Variants in EYA2 observed in about 807,000 individuals in gnomAD.
The protein encoded by EYA2 is protein phosphatase EYA2.
A neutral mutation model predicts 69.2 loss-of-function variants in EYA2; 31 were observed. That is an observed-to-expected ratio of 0.45 (90% CI 0.34 to 0.60). EYA2 has a LOEUF of 0.60. EYA2 is among the 20% of genes least tolerant of loss of function. The pLI is 0.02. For synonymous variants in EYA2, 257 were observed against 279.4 expected (o/e 0.92, Z 0.80); for missense variants, 622 against 701.2 (o/e 0.89, Z 1.28).
chr20:47,066,503 CT>C (rs1442324310), intron 5 of EYA2, among the ~76,000 whole-genome samples: 2 of 152,182 alleles, frequency 1.3e-5, no homozygotes, highest in African/African-American at 4.8e-5. Flanking sequence ...AAAGTCCTAA[CT>C]AATGTGGCCA....
intron 9 of EYA2, among the ~76,000 whole-genome samples, chr20:47,117,157 C>T (rs1412345559): frequency 1.3e-5 from 2 of 152,144 alleles, no homozygotes; most frequent in Non-Finnish European, 2.9e-5. Context: ...GGACCACAGG[C>T]GCACGCCACC....
At chr20:46,925,629 CCCA>C (rs1391823751) in intron 1 of EYA2, among the ~76,000 whole-genome samples, 2 of 152,164 alleles carry the variant, frequency 1.3e-5, no homozygotes, top group African/African-American at 2.4e-5. Context: ...TTAAAATCCA[CCCA>C]TAAAATCGAG....
intron 9 of EYA2, among the ~76,000 whole-genome samples, chr20:47,122,995 C>G (rs1001838972): frequency 2.6e-5 from 4 of 152,176 alleles, no homozygotes; most frequent in African/African-American, 9.7e-5. Flanking sequence ...AGACAAGTCA[C>G]TTTGCCTTCC....
intron 11 of EYA2, among the ~76,000 whole-genome samples, chr20:47,171,413 G>GT (rs1215833847): frequency 2.0e-5 from 3 of 151,242 alleles, no homozygotes; most frequent in East Asian, 1.9e-4. Context: ...GTTTTGTTTT[G>GT]TTTTTTTCAG....
intron 10 of EYA2, among the ~76,000 whole-genome samples, 192 bp from the exon 11 acceptor site, chr20:47,168,947 G>T (rs1454101983): frequency 6.6e-6 from 1 of 152,118 alleles, no homozygotes; most frequent in Admixed American, 6.6e-5. Flanking sequence ...AAACCAAACA[G>T]ACAAAGAGGA....
In EYA2 at chr20:46,987,916, G is replaced by GACTCTCTCTCTCTCTCTCTCTCTC. The variant is rs56288405; in HGVS notation, c.-10-2085_-10-2084insACTCTCTCTCTCTCTCTCTCTCTC. Among the ~76,000 whole-genome samples the GACTCTCTCTCTCTCTCTCTCTCTC allele has an allele frequency of 1.8e-3, 37 of 20,374 alleles. 9 individuals carry two copies. Among genetic ancestry groups the GACTCTCTCTCTCTCTCTCTCTCTC allele is most frequent in the South Asian group, 2.7e-3 (1 of 366 alleles). 13.4% of individuals were successfully genotyped at this position (20,374 alleles called of 152,430 possible). On this transcript the variant is annotated intron_variant, in intron 1 of 15. Coordinates refer to ENST00000327619, the MANE Select transcript of EYA2 (RefSeq NM_005244.5). ...TACTCCAGCCTGGAAGACAGAGTAA[G>GACTCTCTCTCTCTCTCTCTCTCTC]TCTCTCTCTCTCTCTCTCTCTCTCT...
intron 5 of EYA2, among the ~76,000 whole-genome samples, chr20:47,070,633 T>G (rs769075238): frequency 1.3e-5 from 2 of 152,238 alleles, no homozygotes; most frequent in Non-Finnish European, 2.9e-5. Context: ...ATATTGGATG[T>G]TGTACATCTA....
intron 1 of EYA2, among the ~76,000 whole-genome samples, chr20:46,938,906 C>T (rs752933310): frequency 1.2e-4 from 18 of 152,258 alleles, no homozygotes; most frequent in East Asian, 5.8e-4. Flanking sequence ...ACAAAACAAC[C>T]GTACTATGAC....
chr20:47,100,233 T>C (rs936746887), intron 9 of EYA2, among the ~76,000 whole-genome samples: 1 of 152,236 alleles, frequency 6.6e-6, no homozygotes, highest in Non-Finnish European at 1.5e-5. Context: ...AAAATGTGAA[T>C]GTGTCGCCAA....
intron 4 of EYA2, among the ~76,000 whole-genome samples, chr20:47,011,500 C>T (rs1166931255): frequency 6.6e-6 from 1 of 152,152 alleles, no homozygotes; most frequent in African/African-American, 2.4e-5. Context: ...GACCTCATCA[C>T]TCACCCTCTC....
chr20:47,172,905 AC>A, intron 12 of EYA2, 38 bp downstream of exon 12: 1 of 1,577,380 alleles, frequency 6.3e-7, no homozygotes, highest in South Asian at 1.2e-5. Flanking sequence ...AGGAAGGGAA[AC>A]TCATTGGGAT....
chr20:46,916,583 C>G (rs925666714), intron 1 of EYA2, among the ~76,000 whole-genome samples: 5 of 152,188 alleles, frequency 3.3e-5, no homozygotes, highest in African/African-American at 1.2e-4. Flanking sequence ...GGGACTGGCA[C>G]TTCTGGGCTT....
chr20:46,939,307 G>C (rs1217470940), intron 1 of EYA2, among the ~76,000 whole-genome samples: 1 of 152,236 alleles, frequency 6.6e-6, no homozygotes, highest in African/African-American at 2.4e-5. Flanking sequence ...TCAGATTAAA[G>C]ACACTGGGAG....
At chr20:46,964,683 C>T (rs1979668945) in intron 1 of EYA2, among the ~76,000 whole-genome samples, 1 of 152,222 alleles carries the variant, frequency 6.6e-6, no homozygotes, top group Admixed American at 6.5e-5. Flanking sequence ...AGAACAACCC[C>T]ATTGGTAAGT....
chr20:47,188,448 G>A lies in EYA2; in HGVS notation c.*315G>A, dbSNP rs1021727467. Reference sequence around the variant, plus strand: ...TTGGGGGGTGCCTGGTGATGAGGAGGGGATGGGTTTGTCTTGTCTTCTTTT... The same window carrying A: ...TTGGGGGGTGCCTGGTGATGAGGAGAGGATGGGTTTGTCTTGTCTTCTTTT... On this transcript the variant is annotated 3_prime_UTR_variant, in exon 16 of 16. Coordinates refer to ENST00000327619, the MANE Select transcript of EYA2 (RefSeq NM_005244.5). 5.4e-6 allele frequency: 3 copies of A among 558,330 alleles called. No individual in the cohort carries two copies. The African/African-American group carries it at 5.6e-5, about 10-fold the overall frequency. The allele number at this position is 558,330 out of a possible 1,614,324, so 34.6% of individuals were successfully genotyped here.
chr20:47,158,228 A>T (rs1177949530), intron 10 of EYA2, among the ~76,000 whole-genome samples: 2 of 151,978 alleles, frequency 1.3e-5, no homozygotes. Context: ...AAAACACTGA[A>T]GACTGTCTGG....
chr20:47,011,686 TCTCTTCCTCCCTGGGAC>T lies in EYA2; in HGVS notation c.299-4484_299-4468del, dbSNP rs575046375. 1.6e-4 allele frequency among the ~76,000 whole-genome samples: 24 copies of T among 152,252 alleles called. No homozygotes were observed. The East Asian group carries it at 2.5e-3, about 16-fold the overall frequency. On this transcript the variant is annotated intron_variant, in intron 4 of 15. Transcript: ENST00000327619. ...CTTCCTTCAGGTCTTTGTTCAAATG[TCTCTTCCTCCCTGGGAC>T]CTCTTCCTCCTCCTCCAAGGGACCT...
At chr20:46,980,519 G>C (rs982341752) in intron 1 of EYA2, among the ~76,000 whole-genome samples, 5 of 152,172 alleles carry the variant, frequency 3.3e-5, no homozygotes, top group African/African-American at 1.2e-4. Context: ...CAGGGTGCAT[G>C]TGACTGTTTG....
intron 1 of EYA2, among the ~76,000 whole-genome samples, chr20:46,925,118 A>C (rs1985358951): frequency 6.6e-6 from 1 of 152,172 alleles, no homozygotes; most frequent in Admixed American, 6.5e-5. Context: ...GTATGTCTTC[A>C]TGCAGCTTTT....
Sources: gnomAD v4.1 joint callset for allele counts (sites outside exome capture counted in the v4.1 genomes callset) on GRCh38, gnomAD v4.1.1 for gene constraint, MANE v1.5 for transcripts, NCBI Gene and HGNC (gene_info 2026-07-23, HGNC 2026-07-21) for gene names.